Variants in HBP1 observed in about 807,000 individuals in gnomAD.
HBP1 encodes the protein HMG box-containing protein 1.
HBP1 carries 20 observed loss-of-function variants against 62.6 expected under a neutral mutation model. That is an observed-to-expected ratio of 0.32 (90% CI 0.22 to 0.46). The LOEUF is 0.46. Ranked by LOEUF, HBP1 falls within the 20% of genes least tolerant of loss-of-function variation. The probability of loss-of-function intolerance (pLI) is 1.00; values close to 1 mark genes in which losing one functional copy is unlikely to be tolerated. For missense variants in HBP1, 480 were observed against 611.8 expected, an observed-to-expected ratio of 0.78 and a Z score of 2.27; for synonymous variants, 232 against 206.2, an observed-to-expected ratio of 1.12 and a Z score of -1.07.
chr7:107,186,161 TTTTTC>T (rs1306747649), intron 4 of HBP1, among the ~76,000 whole-genome samples, 195 bp from the exon 5 acceptor site: 31 of 147,488 alleles, frequency 2.1e-4, no homozygotes, highest in Non-Finnish European at 4.0e-4. Flanking sequence ...TTTTTCTTTT[TTTTTC>T]TTTTTTTTTT....
At chr7:107,190,750 A>G (rs2115938285) in intron 8 of HBP1, among the ~76,000 whole-genome samples, 1 of 152,306 alleles carries the variant, frequency 6.6e-6, no homozygotes, top group African/African-American at 2.4e-5. Flanking sequence ...CATTTTGACC[A>G]AGGGCATTAG....
intron 2 of HBP1, among the ~76,000 whole-genome samples, chr7:107,181,509 G>A (rs1167619834): frequency 6.6e-6 from 1 of 151,308 alleles, no homozygotes; most frequent in East Asian, 1.9e-4. Context: ...AGGACATTTC[G>A]GTTTTAGTAG....
At chr7:107,194,945 A>G (rs964523172) in intron 8 of HBP1, among the ~76,000 whole-genome samples, 2 of 152,234 alleles carry the variant, frequency 1.3e-5, no homozygotes, top group Non-Finnish European at 2.9e-5. Context: ...AGGCTATGTT[A>G]TAGGTCATGG....
chr7:107,197,082 C>G (rs577608635), intron 9 of HBP1: 1 of 152,284 alleles, frequency 6.6e-6, no homozygotes, highest in Admixed American at 6.5e-5. Flanking sequence ...GAGCTGTCCT[C>G]AGTAGAAGCT....
chr7:107,183,850 A>G (rs1252862713), intron 3 of HBP1, among the ~76,000 whole-genome samples: 1 of 152,112 alleles, frequency 6.6e-6, no homozygotes, highest in East Asian at 1.9e-4. Context: ...TGTCTGGCCT[A>G]CCTCCTAACA....
At chr7:107,183,865 C>T (rs953352788) in intron 3 of HBP1, among the ~76,000 whole-genome samples, 2 of 152,308 alleles carry the variant, frequency 1.3e-5, no homozygotes, top group Admixed American at 1.3e-4. Context: ...CTAACACTGT[C>T]TGCTCATGCA....
intron 4 of HBP1, among the ~76,000 whole-genome samples, 199 bp from the exon 5 acceptor site, chr7:107,186,162 T>C (rs1285158184): frequency 6.8e-6 from 1 of 147,388 alleles, no homozygotes; most frequent in African/African-American, 2.6e-5. Context: ...TTTTCTTTTT[T>C]TTTCTTTTTT....
chr7:107,186,156 CTTTTTTTTTCTTTTTTT>C (rs1180829396), intron 4 of HBP1, among the ~76,000 whole-genome samples, 188 bp from the exon 5 acceptor site: 3 of 127,274 alleles, frequency 2.4e-5, no homozygotes, highest in Non-Finnish European at 5.0e-5. Context: ...TCTTTTTTTT[CTTTTTTTTTCTTTTTTT>C]TTTTTTTTTA....
chr7:107,171,084 T>TTTTTTTTTTTTTTTTGTTG, intron 1 of HBP1, among the ~76,000 whole-genome samples: 1 of 132,834 alleles, frequency 7.5e-6, no homozygotes, highest in African/African-American at 3.1e-5. Context: ...TTTTTTTTTT[T>TTTTTTTTTTTTTTTTGTTG]TTTTGAGAGG....
chr7:107,201,521 C>A lies in HBP1; in HGVS notation c.*90C>A. On this transcript the variant is annotated 3_prime_UTR_variant, in exon 11 of 11. Coordinates refer to ENST00000222574, the MANE Select transcript of HBP1 (RefSeq NM_012257.4). ...AGAAGATCAAGGTCTCACCATTTGT[C>A]CTCAATTCGTGTGACCATAAGATAC... The A allele has an allele frequency of 1.3e-6, 1 of 744,808 alleles. No individual in the cohort carries two copies. Among genetic ancestry groups the A allele is most frequent in the Non-Finnish European group, 2.3e-6 (1 of 431,776 alleles). 46.1% of individuals were successfully genotyped at this position (744,808 alleles called of 1,614,324 possible). A position where few individuals can be genotyped will look rare whatever the true frequency, so the allele number is the denominator to read the frequency against.
chr7:107,201,503 C>A lies in HBP1; in HGVS notation c.*72C>A. On this transcript the variant is annotated 3_prime_UTR_variant, in exon 11 of 11. Transcript: ENST00000222574. ...TCTTGATGGAAAGACTTAAGAAGAT[C>A]AAGGTCTCACCATTTGTCCTCAATT... The A allele has an allele frequency of 2.2e-6, 2 of 921,258 alleles. No individual in the cohort carries two copies. The highest frequency in any genetic ancestry group is 1.4e-5 in the South Asian group (1 of 69,612). 57.1% of individuals were successfully genotyped at this position (921,258 alleles called of 1,614,324 possible). A position where few individuals can be genotyped will look rare whatever the true frequency, so the allele number is the denominator to read the frequency against.
chr7:107,173,274 C>T (rs1434819474), intron 1 of HBP1, among the ~76,000 whole-genome samples: 3 of 152,118 alleles, frequency 2.0e-5, no homozygotes, highest in Non-Finnish European at 2.9e-5. Context: ...TCTTTGAAAA[C>T]AATTTGAGCG....
chr7:107,191,751 C>A (rs1797662500), intron 8 of HBP1, among the ~76,000 whole-genome samples: 1 of 152,114 alleles, frequency 6.6e-6, no homozygotes, highest in Admixed American at 6.5e-5. Flanking sequence ...CAGTATGAGT[C>A]TATTTTATGG....
At position 107,189,343 on chromosome 7, in the gene HBP1, T is replaced by C. The variant is rs1797537528; in HGVS notation, c.817T>C (p.Phe273Leu). The C allele has an allele frequency of 3.1e-6, 5 of 1,613,074 alleles. No individual in the cohort carries two copies. The highest frequency in any genetic ancestry group is 3.4e-6 in the Non-Finnish European group (4 of 1,179,114). The change falls in exon 7 of 11, where the codon TTT becomes CTT. Residue 273 changes from phenylalanine (F) to leucine (L), a missense_variant. By Grantham distance (22) the Phe-to-Leu change is conservative (BLOSUM62 0). This residue lies in a region of HBP1 where 304 missense variants were observed against 330.9 expected (regional missense o/e 0.92). Coordinates refer to ENST00000222574, the MANE Select transcript of HBP1 (RefSeq NM_012257.4). ...GTTATCACATGAAGAAAGTGTATCA[T>C]TTGGCGAGTCTGTACTGAAGTTGAC... ...KLLSHEESVS[F>L]GESVLKLTFD...
intron 10 of HBP1, 25 bp downstream of exon 10, chr7:107,200,326 A>AAAT: frequency 6.3e-7 from 1 of 1,599,932 alleles, no homozygotes; most frequent in Non-Finnish European, 8.5e-7. Context: ...ATAGTGTTTA[A>AAAT]AATTATCTTG....
At chr7:107,199,847 T>C (rs1255726166) in intron 9 of HBP1, among the ~76,000 whole-genome samples, 1 of 152,234 alleles carries the variant, frequency 6.6e-6, no homozygotes, top group African/African-American at 2.4e-5. Flanking sequence ...AAGATATGCA[T>C]AGTTAATTCT....
In HBP1 at chr7:107,182,416, A is replaced by T. The variant is rs751867690; in HGVS notation, c.213A>T (p.Gln71His). ...AGGCAGTTCAAAGTGATCCTACCCA[A>T]TCTGGCATGTACCAGCTGAGTTCAG... is the stretch of plus-strand genomic sequence containing the variant. Reference protein sequence around the residue: ...ELQAVQSDPTQSGMYQLSSDV... With the variant: ...ELQAVQSDPTHSGMYQLSSDV... Residue 71 changes from glutamine to histidine, a missense_variant, in exon 3 of 11, where the codon CAA becomes CAT. Physicochemically the swap from Gln to His is conservative, Grantham distance 24. Around this residue, in one of 4 missense-constraint regions of HBP1, gnomAD observed 304 missense variants for 330.9 expected, o/e 0.92. Coordinates refer to ENST00000222574, the MANE Select transcript of HBP1 (RefSeq NM_012257.4). 1 of 1,613,648 alleles carries T rather than the reference A, an allele frequency of 6.2e-7. No individual in the cohort carries two copies. Among genetic ancestry groups the T allele is most frequent in the East Asian group, 2.2e-5 (1 of 44,874 alleles).
intron 3 of HBP1, among the ~76,000 whole-genome samples, chr7:107,185,123 T>A (rs535096941): frequency 2.6e-5 from 4 of 152,286 alleles, no homozygotes; most frequent in Admixed American, 2.6e-4. Context: ...GAGCATTGTC[T>A]GGTAAAAGAG....
intron 10 of HBP1, chr7:107,201,113 C>T: frequency 3.7e-6 from 1 of 270,018 alleles, no homozygotes; most frequent in Non-Finnish European, 6.9e-6. Context: ...AGTGGTCAGT[C>T]AGTAGTCAGA....
Sources: allele counts gnomAD v4.1 joint callset (sites outside exome capture counted in the v4.1 genomes callset), GRCh38; gene constraint gnomAD v4.1.1; regional missense constraint gnomAD v4.1.1; transcripts MANE v1.5; gene names NCBI Gene and HGNC (gene_info 2026-07-23, HGNC 2026-07-21).